The following CABLES1 variants were observed in gnomAD, a reference collection of about 807,000 sequenced individuals.
The protein encoded by CABLES1 is CDK5 and ABL1 enzyme substrate 1.
CABLES1 carries 36 observed loss-of-function variants against 57.8 expected under a neutral mutation model. The ratio of observed to expected loss-of-function variants is 0.62; its 90% confidence interval spans 0.48 to 0.82. The LOEUF is 0.82. Among genes scored for constraint, CABLES1 ranks in the 40% least tolerant of loss-of-function variants. CABLES1 has a pLI of 0.00. For synonymous variants in CABLES1, 374 were observed against 363.0 expected, an observed-to-expected ratio of 1.03 and a Z score of -0.35; for missense variants, 767 against 836.6, an observed-to-expected ratio of 0.92 and a Z score of 1.03.
At chr18:23,220,606 C>T (rs752428708) in intron 4 of CABLES1, among the ~76,000 whole-genome samples, 2 of 152,088 alleles carry the variant, frequency 1.3e-5, no homozygotes, top group South Asian at 2.1e-4. Flanking sequence ...TGTGCTGGCT[C>T]GGGACCAGTA....
chr18:23,218,458 A>C (rs1598835961), intron 4 of CABLES1, among the ~76,000 whole-genome samples: 1 of 83,528 alleles, frequency 1.2e-5, no homozygotes, highest in Non-Finnish European at 2.2e-5. Flanking sequence ...CCGCATCCTC[A>C]CTTGCCCTGC....
chr18:23,138,500 A>G (rs2046837321), intron 1 of CABLES1, among the ~76,000 whole-genome samples: 1 of 152,208 alleles, frequency 6.6e-6, no homozygotes, highest in African/African-American at 2.4e-5. Context: ...AACAGCTTAA[A>G]TTTTGGGTAC....
rs957683128 is a variant in CABLES1 at position 23,145,992 on chromosome 18, T to G, written c.845+9385T>G. Among the ~76,000 whole-genome samples the G allele has an allele frequency of 2.0e-5, 3 of 152,264 alleles. No homozygotes were observed. The East Asian group carries it at 5.8e-4, about 29-fold the overall frequency. On this transcript the variant is annotated intron_variant, in intron 1 of 9. Transcript: ENST00000256925. ...TGTCCCTGGTTTAAAGCACAGGGTA[T>G]ATGTAAATCTAAGTTAGGTTTTACG...
intron 1 of CABLES1, among the ~76,000 whole-genome samples, chr18:23,167,879 G>A (rs142957949): frequency 7.9e-5 from 12 of 152,372 alleles, no homozygotes; most frequent in African/African-American, 2.9e-4. Context: ...GGCATGGAAG[G>A]AGACAGGGCA....
intron 1 of CABLES1, among the ~76,000 whole-genome samples, chr18:23,147,665 T>C (rs752197918): frequency 1.5e-4 from 23 of 152,248 alleles, no homozygotes; most frequent in Non-Finnish European, 2.9e-5. Context: ...CTCTGTTTGG[T>C]GCTGCATTTT....
intron 3 of CABLES1, among the ~76,000 whole-genome samples, chr18:23,204,196 G>A (rs1162245153): frequency 2.6e-5 from 4 of 152,196 alleles, no homozygotes; most frequent in African/African-American, 4.8e-5. Flanking sequence ...GCAGTCACTC[G>A]GCACTGAGAA....
chr18:23,201,371 C>A (rs1428176828), intron 3 of CABLES1, among the ~76,000 whole-genome samples: 1 of 152,150 alleles, frequency 6.6e-6, no homozygotes, highest in African/African-American at 2.4e-5. Context: ...TGTGGTGTTG[C>A]CATCAGCATG....
At chr18:23,219,151 A>C in intron 4 of CABLES1, 1 of 454,032 alleles carries the variant, frequency 2.2e-6, no homozygotes, top group South Asian at 1.6e-5. Context: ...GTGAGCACCT[A>C]CTGTGTGCTG....
chr18:23,214,193 A>G, intron 4 of CABLES1, 139 bp downstream of exon 4: 1 of 592,060 alleles, frequency 1.7e-6, no homozygotes, highest in Non-Finnish European at 3.0e-6. Context: ...CACTGGAATG[A>G]TAAAAAGATG....
chr18:23,167,407 G>A (rs1235798251), intron 1 of CABLES1, among the ~76,000 whole-genome samples: 1 of 152,064 alleles, frequency 6.6e-6, no homozygotes, highest in African/African-American at 2.4e-5. Flanking sequence ...TTCACCACAT[G>A]CCTCTTTTTG....
At chr18:23,224,729 C>G (rs1355222193) in intron 4 of CABLES1, among the ~76,000 whole-genome samples, 1 of 151,806 alleles carries the variant, frequency 6.6e-6, no homozygotes, top group African/African-American at 2.4e-5. Context: ...CCACTACACC[C>G]GGCTAATTTT....
At chr18:23,139,596 G>T (rs1324580069) in intron 1 of CABLES1, among the ~76,000 whole-genome samples, 1 of 152,104 alleles carries the variant, frequency 6.6e-6, no homozygotes, top group Non-Finnish European at 1.5e-5. Flanking sequence ...AATGCCTGTG[G>T]AGGCAATGAT....
intron 1 of CABLES1, among the ~76,000 whole-genome samples, chr18:23,160,451 C>T (rs1187406389): frequency 6.6e-6 from 1 of 152,192 alleles, no homozygotes; most frequent in Non-Finnish European, 1.5e-5. Context: ...CAGTGCCGGG[C>T]ACATGGTATA....
intron 3 of CABLES1, among the ~76,000 whole-genome samples, chr18:23,195,376 TCTC>T (rs1056387294): frequency 2.0e-5 from 3 of 152,160 alleles, no homozygotes; most frequent in African/African-American, 7.2e-5. Context: ...TCTTGTTTGA[TCTC>T]CTAATTTATA....
At chr18:23,160,580 C>T (rs976228030) in intron 1 of CABLES1, among the ~76,000 whole-genome samples, 3 of 152,140 alleles carry the variant, frequency 2.0e-5, no homozygotes, top group African/African-American at 7.2e-5. Context: ...GAAAGCCTGG[C>T]CTGGTGGGAG....
In CABLES1 at chr18:23,257,357, A is replaced by T. The variant is rs372764381; in HGVS notation, c.1892A>T (p.Gln631Leu). Residue 631 changes from glutamine (Q) to leucine (L), a missense_variant, in exon 10 of 10, where the codon CAG becomes CTG. Coordinates refer to ENST00000256925, the MANE Select transcript of CABLES1 (RefSeq NM_001100619.3). Reference sequence around the variant, plus strand: ...ATGCCCCACTACAGACGGCTGGTCCAGAGTTCCTAGCACTGGCCCCGAGGA... The same window carrying T: ...ATGCCCCACTACAGACGGCTGGTCCTGAGTTCCTAGCACTGGCCCCGAGGA... Reference protein sequence around the residue: ...EVMPHYRRLVQSS With the variant: ...EVMPHYRRLVLSS The T allele has an allele frequency of 3.7e-6, 6 of 1,608,562 alleles. No individual in the cohort carries two copies. Among genetic ancestry groups the T allele is most frequent in the Non-Finnish European group, 4.2e-6 (5 of 1,178,608 alleles).
chr18:23,239,452 C>T (rs2047681656), intron 7 of CABLES1, among the ~76,000 whole-genome samples: 2 of 152,226 alleles, frequency 1.3e-5, no homozygotes, highest in Non-Finnish European at 2.9e-5. Context: ...AAGTTCTTGA[C>T]AGTGTGTTGT....
rs371538797 is a variant in CABLES1 at position 23,210,199 on chromosome 18, C to CT, written c.1011-3775dup. 3.3e-3 allele frequency among the ~76,000 whole-genome samples: 497 copies of CT among 152,224 alleles called. 3 individuals carry two copies. The highest frequency in any genetic ancestry group is 0.011 in the African/African-American group (463 of 41,524). On this transcript the variant is annotated intron_variant, in intron 3 of 9. Coordinates refer to ENST00000256925, the MANE Select transcript of CABLES1 (RefSeq NM_001100619.3). ...GCCGATGTTCATGTGGAAATGTGACCTTTAATTCCTTAAAGATCCATCTCC... is the reference window on the plus strand; with the variant it reads ...GCCGATGTTCATGTGGAAATGTGACCTTTTAATTCCTTAAAGATCCATCTCC...
Position 23,204,219 on chromosome 18 carries a change from G to A in CABLES1, c.1010+9679G>A, listed in dbSNP as rs115284686. Among the ~76,000 whole-genome samples the A allele has an allele frequency of 7.4e-3, 1,122 of 152,338 alleles. 14 individuals carry two copies. Among genetic ancestry groups the A allele is most frequent in the African/African-American group, 0.026 (1,080 of 41,558 alleles). ...TCGGCACTGAGAATACTGGTGTCCA[G>A]TTCCCGGCGGTGTGCTGGGTCAGCA... is the stretch of plus-strand genomic sequence containing the variant. On this transcript the variant is annotated intron_variant, in intron 3 of 9. Transcript: ENST00000256925.
Sources: gnomAD v4.1 joint callset for allele counts (sites outside exome capture counted in the v4.1 genomes callset) on GRCh38, gnomAD v4.1.1 for gene constraint, MANE v1.5 for transcripts, NCBI Gene and HGNC (gene_info 2026-07-23, HGNC 2026-07-21) for gene names.